RNGTT: variants seen among roughly 807,000 people sequenced by gnomAD.
RNGTT encodes the protein RNA guanylyltransferase and 5'-phosphatase, also known as mRNA-capping enzyme.
Under a neutral mutation model 79.3 loss-of-function variants are expected in RNGTT, and 33 were observed. That is an observed-to-expected ratio of 0.42 (90% CI 0.32 to 0.56). The LOEUF (loss-of-function observed/expected upper bound fraction) is 0.56. RNGTT is among the 20% of genes least tolerant of loss of function. RNGTT has a pLI of 0.17. For synonymous variants in RNGTT, 222 were observed against 235.9 expected (o/e 0.94, Z 0.54); for missense variants, 497 against 739.1 (o/e 0.67, Z 3.80).
chr6:88,643,430 T>C (rs1773403397), intron 14 of RNGTT, among the ~76,000 whole-genome samples: 1 of 152,142 alleles, frequency 6.6e-6, no homozygotes, highest in African/African-American at 2.4e-5. Flanking sequence ...ACTGTCAACA[T>C]TAGACAGATC....
chr6:88,771,315 G>GTGTGTGTATATA (rs1303688973), intron 12 of RNGTT, among the ~76,000 whole-genome samples: 2,342 of 61,160 alleles, frequency 0.038, 61 homozygotes, highest in Non-Finnish European at 0.056. Flanking sequence ...GTGTGTGTGT[G>GTGTGTGTATATA]TATATATATA....
intron 8 of RNGTT, among the ~76,000 whole-genome samples, chr6:88,870,638 C>T (rs1047224629): frequency 1.4e-4 from 21 of 152,030 alleles, no homozygotes; most frequent in Admixed American, 8.5e-4. Flanking sequence ...GACTTTAATA[C>T]GGCTACATTG....
intron 13 of RNGTT, among the ~76,000 whole-genome samples, chr6:88,703,593 T>G (rs1776016731): frequency 6.6e-6 from 1 of 152,218 alleles, no homozygotes; most frequent in African/African-American, 2.4e-5. Context: ...CTATGCTCAG[T>G]ACCTGGGTGA....
At chr6:88,658,582 G>A (rs755522633) in intron 14 of RNGTT, among the ~76,000 whole-genome samples, 3 of 152,206 alleles carry the variant, frequency 2.0e-5, no homozygotes, top group Non-Finnish European at 4.4e-5. Flanking sequence ...AACTTGATTG[G>A]ATTGAAGGAT....
At chr6:88,699,701 C>T (rs1028742800) in intron 13 of RNGTT, among the ~76,000 whole-genome samples, 2 of 152,010 alleles carry the variant, frequency 1.3e-5, no homozygotes, top group South Asian at 2.1e-4. Context: ...ATTTTTTTAA[C>T]GTGGTATGCA....
chr6:88,771,010 G>T (rs902816858), intron 12 of RNGTT, among the ~76,000 whole-genome samples: 3 of 151,736 alleles, frequency 2.0e-5, no homozygotes, highest in African/African-American at 7.3e-5. Context: ...AAATAGTCTT[G>T]GTTGGATATA....
intron 12 of RNGTT, among the ~76,000 whole-genome samples, chr6:88,793,188 G>C (rs1483988606): frequency 6.6e-6 from 1 of 151,944 alleles, no homozygotes; most frequent in African/African-American, 2.4e-5. Flanking sequence ...TAAAAAACTA[G>C]ACAGAAAACG....
intron 13 of RNGTT, among the ~76,000 whole-genome samples, chr6:88,754,525 C>A (rs1048952215): frequency 2.0e-5 from 3 of 152,078 alleles, no homozygotes; most frequent in Non-Finnish European, 4.4e-5. Flanking sequence ...CAGATTTGAG[C>A]CCCAGTGAGC....
At chr6:88,875,188 A>G (rs1782479495) in intron 8 of RNGTT, among the ~76,000 whole-genome samples, 1 of 151,084 alleles carries the variant, frequency 6.6e-6, no homozygotes, top group South Asian at 2.1e-4. Context: ...AAGCAATTTG[A>G]AAAAAAAATA....
At chr6:88,628,244 A>T (rs1230307065) in intron 14 of RNGTT, among the ~76,000 whole-genome samples, 1 of 152,152 alleles carries the variant, frequency 6.6e-6, no homozygotes, top group Non-Finnish European at 1.5e-5. Context: ...AATGATTACA[A>T]TAAATTATCT....
intron 13 of RNGTT, among the ~76,000 whole-genome samples, chr6:88,687,796 T>C (rs1775333047): frequency 6.6e-6 from 1 of 152,172 alleles, no homozygotes. Context: ...AAGAGACTGG[T>C]TTCCCATGAG....
intron 14 of RNGTT, among the ~76,000 whole-genome samples, chr6:88,630,412 C>T (rs1040601956): frequency 6.6e-6 from 1 of 152,176 alleles, no homozygotes; most frequent in Admixed American, 6.5e-5. Flanking sequence ...CCTTCAAATC[C>T]TACCATCTAA....
chr6:88,935,557 T>A (rs888706846), intron 2 of RNGTT, among the ~76,000 whole-genome samples: 1 of 151,994 alleles, frequency 6.6e-6, no homozygotes. Context: ...TTAAAAAAAG[T>A]TTTTTTTAAT....
At chr6:88,837,959 A>G (rs2127895235) in intron 11 of RNGTT, among the ~76,000 whole-genome samples, 1 of 152,312 alleles carries the variant, frequency 6.6e-6, no homozygotes, top group African/African-American at 2.4e-5. Flanking sequence ...ACAAAAGTTA[A>G]TGTATGAAAA....
intron 14 of RNGTT, among the ~76,000 whole-genome samples, chr6:88,646,414 C>A (rs1297310146): frequency 6.6e-6 from 1 of 152,180 alleles, no homozygotes; most frequent in Non-Finnish European, 1.5e-5. Context: ...ACTAGTTCAA[C>A]CATTGTGGAA....
intron 11 of RNGTT, among the ~76,000 whole-genome samples, chr6:88,842,523 T>C (rs1781328988): frequency 6.6e-6 from 1 of 152,116 alleles, no homozygotes; most frequent in African/African-American, 2.4e-5. Context: ...AGAATTAGTA[T>C]GTTCATGTGA....
At chr6:88,785,091 A>C (rs1437788058) in intron 12 of RNGTT, among the ~76,000 whole-genome samples, 1 of 152,118 alleles carries the variant, frequency 6.6e-6, no homozygotes, top group African/African-American at 2.4e-5. Context: ...ATCTACCATT[A>C]ATGTTTCAAC....
At chr6:88,857,678 G>A (rs998347592) in intron 8 of RNGTT, among the ~76,000 whole-genome samples, 1 of 152,044 alleles carries the variant, frequency 6.6e-6, no homozygotes, top group Non-Finnish European at 1.5e-5. Flanking sequence ...AATATATTTA[G>A]TGGGAAAAAA....
At chr6:88,749,188 G>GT (rs1259100251) in intron 13 of RNGTT, among the ~76,000 whole-genome samples, 1 of 152,092 alleles carries the variant, frequency 6.6e-6, no homozygotes, top group African/African-American at 2.4e-5. Flanking sequence ...GTTAAAGAAT[G>GT]TAACTACTGG....
Sources: allele counts gnomAD v4.1 joint callset (sites outside exome capture counted in the v4.1 genomes callset), GRCh38; gene constraint gnomAD v4.1.1; transcripts MANE v1.5; gene names NCBI Gene and HGNC (gene_info 2026-07-23, HGNC 2026-07-21).